AOX1: variants seen among roughly 807,000 people sequenced by gnomAD.
AOX1 encodes aldehyde oxidase 1.
Under a neutral mutation model 169.5 loss-of-function variants are expected in AOX1, and 153 were observed. The observed-to-expected ratio is 0.90, with a 90% CI of 0.79 to 1.03. The LOEUF (loss-of-function observed/expected upper bound fraction) is 1.03. Among genes scored for constraint, AOX1 ranks in the 50% least tolerant of loss-of-function variants. AOX1 has a pLI of 0.00. For synonymous variants in AOX1, 562 were observed against 581.9 expected (o/e 0.97, Z 0.49); for missense variants, 1,656 against 1,663.9 (o/e 1.00, Z 0.08).
chr2:200,589,650 G>A (rs1461114349), intron 1 of AOX1, among the ~76,000 whole-genome samples: 2 of 152,210 alleles, frequency 1.3e-5, no homozygotes, highest in Non-Finnish European at 2.9e-5. Flanking sequence ...ATTGTAAATT[G>A]ATATGTGGAA....
At chr2:200,612,888 A>T (rs2034670208) in intron 14 of AOX1, 95 bp downstream of exon 14, 1 of 981,876 alleles carries the variant, frequency 1.0e-6, no homozygotes, top group East Asian at 2.6e-5. Context: ...TTACAAGAAG[A>T]AAAGTGTTCC....
At position 200,662,977 on chromosome 2, in the gene AOX1, C is replaced by G. The variant is rs750206563; in HGVS notation, c.3543+8C>G. 1 of 1,611,078 alleles carries G rather than the reference C, an allele frequency of 6.2e-7. No individual in the cohort carries two copies. The highest frequency in any genetic ancestry group is 8.5e-7 in the Non-Finnish European group (1 of 1,177,276). On this transcript the variant is annotated splice_region_variant and intron_variant, in intron 31 of 34. Transcript: ENST00000374700. ...CTGACGGGGGATCATAAGGTCAGTA[C>G]CGGTTGGAAAGGTCTTCAAGTTGCA...
intron 1 of AOX1, among the ~76,000 whole-genome samples, chr2:200,591,558 A>G (rs975133390): frequency 1.3e-5 from 2 of 152,134 alleles, no homozygotes; most frequent in African/African-American, 4.8e-5. Context: ...TGTATTCCGG[A>G]AATAGTTGGT....
rs751618776 is a variant in AOX1, at chr2:200,599,683, A to G, written c.373A>G (p.Ile125Val). 5.0e-6 allele frequency: 8 copies of G among 1,613,346 alleles called. No individual in the cohort carries two copies. In the East Asian group the frequency reaches 1.8e-4, roughly 36 times the overall value. ...GFCTPGMVMS[I>V]YTLLRNHPEP... Reference sequence around the variant, plus strand: ...CTGCACACCTGGGATGGTGATGTCCATCTACACGCTGCTCAGGAACCACCC... The same window carrying G: ...CTGCACACCTGGGATGGTGATGTCCGTCTACACGCTGCTCAGGAACCACCC... Residue 125 changes from isoleucine to valine, a missense_variant, in exon 5 of 35, where the codon ATC becomes GTC. Transcript: ENST00000374700.
At chr2:200,609,967 G>C (rs374433833) in intron 12 of AOX1, among the ~76,000 whole-genome samples, 131 of 152,084 alleles carry the variant, frequency 8.6e-4, no homozygotes, top group African/African-American at 2.3e-3. Flanking sequence ...GTTCTAATTG[G>C]TCCTCTGTAA....
At chr2:200,641,724 G>A (rs922409814) in intron 24 of AOX1, among the ~76,000 whole-genome samples, 1 of 151,938 alleles carries the variant, frequency 6.6e-6, no homozygotes, top group Non-Finnish European at 1.5e-5. Context: ...TGTAGAGATG[G>A]GTTCTCACTA....
At position 200,670,936 on chromosome 2, in the gene AOX1, G is replaced by T; in HGVS notation, c.*257G>T. 5.1e-6 allele frequency: 2 copies of T among 393,740 alleles called. 1 individual carries two copies. The highest frequency in any genetic ancestry group is 1.6e-4 in the South Asian group (2 of 12,448). 24.4% of individuals were successfully genotyped at this position (393,740 alleles called of 1,614,324 possible). ...CTAGGGTGATATCCGTCATTACTCT[G>T]TCTCTTCAATCCATCCAGCTAAATG... On this transcript the variant is annotated 3_prime_UTR_variant, in exon 35 of 35. Transcript: ENST00000374700.
At chr2:200,603,927 C>T in intron 7 of AOX1, 90 bp from the exon 8 acceptor site, 1 of 884,898 alleles carries the variant, frequency 1.1e-6, no homozygotes, top group Non-Finnish European at 1.8e-6. Flanking sequence ...TTTGCTGTAT[C>T]TGACTGTGTA....
chr2:200,605,310 C>G (rs1173725123), intron 9 of AOX1, among the ~76,000 whole-genome samples: 1 of 152,118 alleles, frequency 6.6e-6, no homozygotes, highest in East Asian at 1.9e-4. Context: ...TTTGAACATG[C>G]CATATGGCCC....
chr2:200,612,629 C>T lies in AOX1; in HGVS notation c.1284C>T (p.Phe428=), dbSNP rs868112416. Residue 428 remains phenylalanine (F), a synonymous_variant, in exon 14 of 35, where the codon TTC becomes TTT. Coordinates refer to ENST00000374700, the MANE Select transcript of AOX1 (RefSeq NM_001159.4). The part of the protein sequence containing the change: ...YSRKWEFVSA[F]RQAQRQENAL... ...TTCAGTGGGAATTTGTGTCAGCCTT[C>T]CGACAAGCCCAGCGACAGGAGAATG... 1.2e-6 allele frequency: 2 copies of T among 1,613,790 alleles called. No homozygotes were observed. The highest frequency in any genetic ancestry group is 1.7e-6 in the Non-Finnish European group (2 of 1,179,900).
At chr2:200,641,923 A>G (rs2035360204) in intron 24 of AOX1, among the ~76,000 whole-genome samples, 1 of 152,088 alleles carries the variant, frequency 6.6e-6, no homozygotes. Context: ...TGGGTGGATC[A>G]CTTGAGGCCA....
downstream of AOX1, among the ~76,000 whole-genome samples, chr2:200,673,700 A>G (rs111932301): frequency 0.063 from 9,540 of 152,200 alleles, 398 homozygotes; most frequent in Admixed American, 0.11. Flanking sequence ...CTTGCCTAAA[A>G]CCCTTCAATT....
downstream of AOX1, among the ~76,000 whole-genome samples, chr2:200,671,964 G>T (rs58104969): frequency 3.1e-3 from 475 of 151,936 alleles, 5 homozygotes; most frequent in African/African-American, 0.011. Context: ...GTTTTATTTG[G>T]CCATATAAAA....
At position 200,615,997 on chromosome 2, in the gene AOX1, A is replaced by G. The variant is rs1171721530; in HGVS notation, c.1638A>G (p.Ala546=). ...KMDPVHYPSL[A]DKYESALEDL... The stretch of plus-strand genomic sequence containing the variant: ...ATCCAGTTCACTATCCTAGCCTTGC[A>G]GACAAGTATGAAAGTGCTTTAGAAG... Residue 546 remains alanine, a synonymous_variant, in exon 16 of 35, where the codon GCA becomes GCG. Transcript: ENST00000374700. The G allele has an allele frequency of 1.9e-6, 3 of 1,613,676 alleles. No homozygotes were observed. In the African/African-American group the frequency reaches 4.0e-5, roughly 22 times the overall value.
At chr2:200,632,233 T>C (rs192537158) in intron 20 of AOX1, among the ~76,000 whole-genome samples, 19 of 151,986 alleles carry the variant, frequency 1.3e-4, no homozygotes, top group African/African-American at 4.1e-4. Flanking sequence ...GATTAATCTA[T>C]AGTATTTTTT....
At chr2:200,649,202 G>A (rs1170192633) in intron 25 of AOX1, among the ~76,000 whole-genome samples, 3 of 113,704 alleles carry the variant, frequency 2.6e-5, no homozygotes, top group Non-Finnish European at 3.6e-5. Context: ...CGCCCCCTCC[G>A]CCCCCACCAT....
In AOX1 at chr2:200,651,006, T is replaced by C. The variant is rs144873627; in HGVS notation, c.2880T>C (p.Asp960=). Residue 960 remains aspartate (D), a synonymous_variant, in exon 26 of 35, where the codon GAT becomes GAC. Transcript: ENST00000374700. The stretch of plus-strand genomic sequence containing the variant: ...TCATAAACATGTACAAGGAAATTGA[T>C]CAAACACCCTACAAACAAGAGATCA... ...VRIINMYKEI[D]QTPYKQEINA... 2.2e-5 allele frequency: 35 copies of C among 1,614,162 alleles called. No homozygotes were observed. In the East Asian group the frequency reaches 7.1e-4, roughly 33 times the overall value.
rs1344943291 is a variant in AOX1 at position 200,604,839 on chromosome 2, G to A, written c.813G>A (p.Val271=). ...CTGTTATCATGGGAAACACCTCTGT[G>A]GGTATGTAGAACCCCAGGGATTTTT... The part of the protein sequence containing the change: ...QAPVIMGNTS[V]GPEVKFKGVF... Residue 271 remains valine (V), a splice_region_variant and synonymous_variant, in exon 9 of 35, where the codon GTG becomes GTA. Transcript: ENST00000374700. 1 of 1,613,980 alleles carries A rather than the reference G, an allele frequency of 6.2e-7. No homozygotes were observed. Among genetic ancestry groups the A allele is most frequent in the South Asian group, 1.1e-5 (1 of 91,058 alleles).
chr2:200,666,197 A>G (rs562306124), intron 31 of AOX1, among the ~76,000 whole-genome samples: 1 of 152,332 alleles, frequency 6.6e-6, no homozygotes, highest in East Asian at 1.9e-4. Flanking sequence ...AAAAATGAAA[A>G]GTCTAGAACA....
Sources: gnomAD v4.1 joint callset for allele counts (sites outside exome capture counted in the v4.1 genomes callset) on GRCh38, gnomAD v4.1.1 for gene constraint, MANE v1.5 for transcripts, NCBI Gene and HGNC (gene_info 2026-07-23, HGNC 2026-07-21) for gene names.